Variants in MIS18A observed in about 807,000 individuals in gnomAD.
The protein encoded by MIS18A is protein Mis18-alpha.
A neutral mutation model predicts 25.0 loss-of-function variants in MIS18A; 14 were observed. The ratio of observed to expected loss-of-function variants is 0.56; its 90% CI spans 0.37 to 0.88. The LOEUF (loss-of-function observed/expected upper bound fraction) is 0.88, where lower values mean the gene tolerates loss of function less well. MIS18A is among the 40% of genes least tolerant of loss of function. The probability of loss-of-function intolerance (pLI) is 0.00; values close to 1 mark genes in which losing one functional copy is unlikely to be tolerated. For synonymous variants in MIS18A, 134 were observed against 118.6 expected (o/e 1.13, Z -0.84); for missense variants, 292 against 290.8 (o/e 1.00, Z -0.03).
the MIS18A span, among the ~76,000 whole-genome samples, chr21:32,242,403 T>C: frequency 6.6e-6 from 1 of 152,182 alleles, no homozygotes; most frequent in Non-Finnish European, 1.5e-5. Flanking sequence ...ATACATCATT[T>C]TTTTCATGGC....
the MIS18A span, among the ~76,000 whole-genome samples, chr21:32,154,684 T>C: frequency 6.6e-6 from 1 of 152,148 alleles, no homozygotes; most frequent in Non-Finnish European, 1.5e-5. Flanking sequence ...AACCGACTTT[T>C]GTGTTGCACC....
At chr21:32,223,874 C>A in the MIS18A span, among the ~76,000 whole-genome samples, 1 of 152,142 alleles carries the variant, frequency 6.6e-6, no homozygotes, top group African/African-American at 2.4e-5. Context: ...ATGCAAAAAT[C>A]CTCAACAAAA....
chr21:32,224,377 C>G, the MIS18A span, among the ~76,000 whole-genome samples: 1 of 151,398 alleles, frequency 6.6e-6, no homozygotes, highest in Non-Finnish European at 1.5e-5. Context: ...ATCTAGAAAA[C>G]CCCATCGTCT....
At chr21:32,167,350 T>C in the MIS18A span, among the ~76,000 whole-genome samples, 3,004 of 141,204 alleles carry the variant, frequency 0.021, 113 homozygotes, top group African/African-American at 0.089. Flanking sequence ...AATTATCTGA[T>C]ATAGATTTTA....
chr21:32,171,744 C>T, the MIS18A span, among the ~76,000 whole-genome samples: 1 of 152,044 alleles, frequency 6.6e-6, no homozygotes, highest in Non-Finnish European at 1.5e-5. Flanking sequence ...CACTGTCATA[C>T]ATCCAGTCCA....
Position 32,268,914 on chromosome 21 carries a change from T to C in MIS18A, c.*123A>G. 1 of 676,664 alleles carries C rather than the reference T, an allele frequency of 1.5e-6. No individual in the cohort carries two copies. Among genetic ancestry groups the C allele is most frequent in the Non-Finnish European group, 2.4e-6 (1 of 416,792 alleles). 41.9% of individuals were successfully genotyped at this position (676,664 alleles called of 1,614,324 possible). A position where few individuals can be genotyped will look rare whatever the true frequency, so the allele number is the denominator to read the frequency against. On this transcript the variant is annotated 3_prime_UTR_variant, in exon 5 of 5. Transcript: ENST00000290130. ...CATCTGATCCTCCCACCTCAGCGTT[T>C]CGCATGCCTGGCTAATTTTTTTTTT...
chr21:32,189,246 C>T, the MIS18A span, among the ~76,000 whole-genome samples: 1 of 152,176 alleles, frequency 6.6e-6, no homozygotes, highest in South Asian at 2.1e-4. Context: ...TGGGAACTCC[C>T]TGTCTCATAC....
At chr21:32,187,895 AT>A in the MIS18A span, among the ~76,000 whole-genome samples, 2 of 151,996 alleles carry the variant, frequency 1.3e-5, no homozygotes, top group South Asian at 4.1e-4. Flanking sequence ...TAGTTTTTGG[AT>A]GTGGGGCCTT....
At chr21:32,192,051 T>C in the MIS18A span, among the ~76,000 whole-genome samples, 1 of 152,116 alleles carries the variant, frequency 6.6e-6, no homozygotes, top group African/African-American at 2.4e-5. Flanking sequence ...TAAAACCCAT[T>C]GGAAGGAAGG....
chr21:32,238,345 C>T, the MIS18A span, among the ~76,000 whole-genome samples: 5 of 152,198 alleles, frequency 3.3e-5, no homozygotes, highest in Non-Finnish European at 7.3e-5. Flanking sequence ...ATTCATACTA[C>T]AAGTCCAAGA....
the MIS18A span, among the ~76,000 whole-genome samples, chr21:32,252,227 AAGAAGAAGAAGAAGGAGGAGGAGGAGG>A: frequency 0.012 from 1,323 of 106,988 alleles, 17 homozygotes; most frequent in African/African-American, 0.041. Flanking sequence ...GAAGAAGAAG[AAGAAGAAGAAGAAGGAGGAGGAGGAGG>A]AGGAGGAGGA....
rs1385299397 is a variant in MIS18A, at chr21:32,269,692, A to G, written c.621+15T>C. On this transcript the variant is annotated intron_variant, in intron 4 of 4. Transcript: ENST00000290130. The stretch of plus-strand genomic sequence containing the variant: ...CTGTTCATACAAAGATATAAAATGT[A>G]CAGAATAAAATTACCTGTGTTAGAG... 3 of 1,447,008 alleles carry G rather than the reference A, an allele frequency of 2.1e-6. No homozygotes were observed. In the East Asian group the frequency reaches 6.8e-5, roughly 33 times the overall value. 89.6% of individuals were successfully genotyped at this position (1,447,008 alleles called of 1,614,324 possible). A position where few individuals can be genotyped will look rare whatever the true frequency, so the allele number is the denominator to read the frequency against.
At chr21:32,194,262 G>A in the MIS18A span, among the ~76,000 whole-genome samples, 4 of 151,878 alleles carry the variant, frequency 2.6e-5, no homozygotes, top group South Asian at 2.1e-4. Context: ...TATTCCCAAT[G>A]GCAAAGTCAT....
chr21:32,204,633 A>C, the MIS18A span, among the ~76,000 whole-genome samples: 1 of 152,184 alleles, frequency 6.6e-6, no homozygotes, highest in Non-Finnish European at 1.5e-5. Context: ...GGCCAGACAC[A>C]GTGGTTCATG....
At chr21:32,275,453 C>G (rs1329970523) in intron 1 of MIS18A, among the ~76,000 whole-genome samples, 1 of 152,148 alleles carries the variant, frequency 6.6e-6, no homozygotes, top group Non-Finnish European at 1.5e-5. Flanking sequence ...ATTTCAAACA[C>G]AGGGCCCATT....
the MIS18A span, among the ~76,000 whole-genome samples, chr21:32,243,720 GT>G: frequency 6.6e-6 from 1 of 152,122 alleles, no homozygotes; most frequent in Admixed American, 6.5e-5. Flanking sequence ...CTTATTAGAA[GT>G]TTTATTCACG....
the MIS18A span, among the ~76,000 whole-genome samples, chr21:32,258,911 T>C: frequency 2.0e-4 from 30 of 151,440 alleles, no homozygotes; most frequent in Non-Finnish European, 3.4e-4. Context: ...GATAGGCCTG[T>C]TGCCCAGGAC....
the MIS18A span, among the ~76,000 whole-genome samples, chr21:32,168,720 A>C: frequency 6.6e-6 from 1 of 152,224 alleles, no homozygotes; most frequent in Non-Finnish European, 1.5e-5. Context: ...TGATCACTGA[A>C]AGAGTAGTGA....
the MIS18A span, among the ~76,000 whole-genome samples, chr21:32,162,916 C>T: frequency 1.5e-4 from 23 of 152,246 alleles, no homozygotes; most frequent in East Asian, 1.9e-4. Flanking sequence ...GATCCATGGA[C>T]GAGTAACACC....
Sources: allele counts gnomAD v4.1 joint callset (sites outside exome capture counted in the v4.1 genomes callset), GRCh38; gene constraint gnomAD v4.1.1; transcripts MANE v1.5; gene names NCBI Gene and HGNC (gene_info 2026-07-23, HGNC 2026-07-21).